Variants in CDH18 observed in about 807,000 individuals in gnomAD.
The protein encoded by CDH18 is cadherin-18.
A neutral mutation model predicts 67.9 loss-of-function variants in CDH18; 31 were observed. The observed-to-expected ratio is 0.46, with a 90% confidence interval of 0.34 to 0.62. The LOEUF (loss-of-function observed/expected upper bound fraction) is 0.62, where lower values mean the gene tolerates loss of function less well. Ranked by LOEUF, CDH18 falls within the 20% of genes least tolerant of loss-of-function variation. CDH18 has a pLI of 0.01. For missense variants in CDH18, 890 were observed against 975.5 expected, an observed-to-expected ratio of 0.91 and a Z score of 1.17; for synonymous variants, 362 against 347.2, an observed-to-expected ratio of 1.04 and a Z score of -0.48.
At chr5:19,586,440 T>A (rs1433434458) in intron 7 of CDH18, among the ~76,000 whole-genome samples, 1 of 152,124 alleles carries the variant, frequency 6.6e-6, no homozygotes, top group Non-Finnish European at 1.5e-5. Flanking sequence ...CTCCCACTTA[T>A]AAGTCAGAGC....
intron 2 of CDH18, among the ~76,000 whole-genome samples, chr5:19,935,795 ACTCTCTCTCT>A (rs70954623): frequency 4.9e-4 from 58 of 117,354 alleles, no homozygotes; most frequent in African/African-American, 1.6e-3. Flanking sequence ...ACAGTCAGGA[ACTCTCTCTCT>A]CTCTCTCTCT....
At chr5:20,205,476 A>G (rs1275679602) in intron 2 of CDH18, among the ~76,000 whole-genome samples, 2 of 151,920 alleles carry the variant, frequency 1.3e-5, no homozygotes, top group African/African-American at 4.8e-5. Flanking sequence ...CAATTCATTC[A>G]GAAAGAAAAT....
chr5:20,378,398 C>T (rs955285694), intron 1 of CDH18, among the ~76,000 whole-genome samples: 3 of 152,002 alleles, frequency 2.0e-5, no homozygotes, highest in Non-Finnish European at 4.4e-5. Context: ...AGATAACCCT[C>T]TTTTCTTTGG....
intron 2 of CDH18, among the ~76,000 whole-genome samples, chr5:20,247,288 T>C (rs903673259): frequency 2.6e-4 from 39 of 152,146 alleles, no homozygotes; most frequent in African/African-American, 9.2e-4. Context: ...ATAATTAGTA[T>C]ATATGAATCT....
intron 2 of CDH18, among the ~76,000 whole-genome samples, chr5:19,847,742 A>G (rs1261496240): frequency 2.6e-5 from 4 of 151,992 alleles, no homozygotes; most frequent in African/African-American, 9.7e-5. Flanking sequence ...ACTTTCTCCA[A>G]CTAAACTAAG....
chr5:19,647,194 C>T (rs1284528909), intron 5 of CDH18, among the ~76,000 whole-genome samples: 1 of 151,708 alleles, frequency 6.6e-6, no homozygotes. Flanking sequence ...AATTTTGGAT[C>T]CCTTCTGGTA....
At chr5:19,718,922 T>G (rs1292640043) in intron 5 of CDH18, among the ~76,000 whole-genome samples, 1 of 152,032 alleles carries the variant, frequency 6.6e-6, no homozygotes, top group Non-Finnish European at 1.5e-5. Context: ...CTATAATATA[T>G]GTACATAAAT....
chr5:19,804,100 G>C (rs1244922802), intron 3 of CDH18: 3 of 137,610 alleles, frequency 2.2e-5, no homozygotes, highest in Non-Finnish European at 3.0e-5. Context: ...CAGCCTGGGC[G>C]ACAGAGCAAG....
upstream of CDH18, among the ~76,000 whole-genome samples, chr5:19,993,030 C>T (rs190501701): frequency 2.0e-4 from 30 of 152,290 alleles, no homozygotes; most frequent in African/African-American, 7.0e-4. Flanking sequence ...TGCCCTGAAA[C>T]TGGCTTTTAT....
intron 1 of CDH18, among the ~76,000 whole-genome samples, chr5:20,439,794 G>A (rs965033281): frequency 2.0e-5 from 3 of 151,626 alleles, no homozygotes; most frequent in African/African-American, 4.9e-5. Flanking sequence ...TGTGGAATGT[G>A]TTGAAGACTT....
At chr5:19,527,169 GT>G (rs1747871878) in intron 9 of CDH18, among the ~76,000 whole-genome samples, 1 of 151,722 alleles carries the variant, frequency 6.6e-6, no homozygotes, top group Non-Finnish European at 1.5e-5. Context: ...GTAACAATAA[GT>G]TTTGCAAACA....
At chr5:20,211,784 T>C (rs992769359) in intron 2 of CDH18, among the ~76,000 whole-genome samples, 5 of 152,006 alleles carry the variant, frequency 3.3e-5, no homozygotes, top group African/African-American at 1.2e-4. Context: ...TTGGTCACCA[T>C]CATCAAAGAC....
intron 2 of CDH18, among the ~76,000 whole-genome samples, chr5:19,887,879 T>G (rs2150074806): frequency 6.6e-6 from 1 of 152,192 alleles, no homozygotes; most frequent in African/African-American, 2.4e-5. Flanking sequence ...AGGGTCTTAC[T>G]TTTGTATATG....
chr5:20,045,927 G>T (rs1740855102), intron 2 of CDH18, among the ~76,000 whole-genome samples: 1 of 151,992 alleles, frequency 6.6e-6, no homozygotes, highest in South Asian at 2.1e-4. Context: ...ATAAACGCTG[G>T]TTATTTACAA....
At chr5:19,605,061 A>G (rs1052040145) in intron 6 of CDH18, among the ~76,000 whole-genome samples, 5 of 151,960 alleles carry the variant, frequency 3.3e-5, no homozygotes, top group African/African-American at 1.2e-4. Context: ...GCTTATTACC[A>G]TAAACATACC....
At chr5:19,529,026 G>T (rs554151426) in intron 9 of CDH18, among the ~76,000 whole-genome samples, 8 of 151,590 alleles carry the variant, frequency 5.3e-5, no homozygotes, top group African/African-American at 1.7e-4. Flanking sequence ...ATTAAAACTG[G>T]CCTGCCATCA....
At chr5:20,365,560 A>G (rs1214835351) in intron 1 of CDH18, among the ~76,000 whole-genome samples, 1 of 152,194 alleles carries the variant, frequency 6.6e-6, no homozygotes, top group Non-Finnish European at 1.5e-5. Context: ...TTAGTTGTCA[A>G]AATTTATATT....
At position 20,039,948 on chromosome 5, in the gene CDH18, T is replaced by C. The variant is rs180827615; in HGVS notation, c.-517-47934A>G. On this transcript the variant is annotated intron_variant, in intron 2 of 14. Coordinates refer to the CDH18 transcript ENST00000507958. The stretch of plus-strand genomic sequence containing the variant: ...GGAAAAAATTTTTGCAATCTATCCA[T>C]CTGACAAAGGGCTAATATTCAGAAT... Among the ~76,000 whole-genome samples, 470 of 152,224 alleles carry C rather than the reference T, an allele frequency of 3.1e-3. 1 individual carries two copies. The highest frequency in any genetic ancestry group is 5.4e-3 in the Non-Finnish European group (365 of 67,998).
At chr5:19,947,585 CAAAAAAAAAAAAAAAAAAA>C (rs35601486) in intron 2 of CDH18, among the ~76,000 whole-genome samples, 2 of 53,294 alleles carry the variant, frequency 3.8e-5, no homozygotes, top group Non-Finnish European at 8.7e-5. Flanking sequence ...TACTAAAATA[CAAAAAAAAAAAAAAAAAAA>C]AAAAAAAAAA....
Sources: allele counts gnomAD v4.1 joint callset (sites outside exome capture counted in the v4.1 genomes callset), GRCh38; gene constraint gnomAD v4.1.1; transcripts MANE v1.5; gene names NCBI Gene and HGNC (gene_info 2026-07-23, HGNC 2026-07-21).